CYP2C19: variants seen among roughly 807,000 people sequenced by gnomAD.
The protein encoded by CYP2C19 is cytochrome P450 family 2 subfamily C member 19, also known as cytochrome P450 2C19.
CYP2C19 carries 59 observed loss-of-function variants against 40.9 expected under a neutral mutation model. The ratio of observed to expected loss-of-function variants is 1.44; its 90% CI spans 1.17 to 1.79. The LOEUF is 1.79. CYP2C19 is among the 40% of genes most tolerant of loss of function. The pLI, the probability that CYP2C19 is intolerant of heterozygous loss-of-function variation, is 0.00. For synonymous variants in CYP2C19, 253 were observed against 208.7 expected, an observed-to-expected ratio of 1.21 and a Z score of -1.83; for missense variants, 754 against 596.9, an observed-to-expected ratio of 1.26 and a Z score of -2.74.
chr10:94,789,723 A>G (rs560520636), intron 5 of CYP2C19, among the ~76,000 whole-genome samples: 2 of 152,230 alleles, frequency 1.3e-5, no homozygotes, highest in South Asian at 2.1e-4. Context: ...TGGTAACAGT[A>G]CCATGCTGTT....
Position 94,853,643 on chromosome 10 carries a change from T to C in CYP2C19, c.*729T>C, listed in dbSNP as rs1466606485. 1.3e-5 allele frequency among the ~76,000 whole-genome samples: 2 copies of C among 150,046 alleles called. No individual in the cohort carries two copies. ...TCACTGTAACCTTCGCCTCCCAGGC[T>C]CAAGAGATTCTCCTGCCTCAGCCTC... On this transcript the variant is annotated 3_prime_UTR_variant, in exon 9 of 9. Transcript: ENST00000371321.
intron 1 of CYP2C19, among the ~76,000 whole-genome samples, chr10:94,766,780 G>C (rs1258576409): frequency 6.6e-6 from 1 of 151,982 alleles, no homozygotes; most frequent in African/African-American, 2.4e-5. Context: ...TGGTACTGCA[G>C]GTTCCTCAGG....
At chr10:94,801,123 C>T (rs1848759016) in intron 5 of CYP2C19, among the ~76,000 whole-genome samples, 1 of 152,170 alleles carries the variant, frequency 6.6e-6, no homozygotes, top group African/African-American at 2.4e-5. Flanking sequence ...GAGCTGCAGA[C>T]CAGAGCTGTT....
chr10:94,835,077 G>A (rs566332876), intron 6 of CYP2C19, among the ~76,000 whole-genome samples: 3 of 152,274 alleles, frequency 2.0e-5, no homozygotes, highest in Non-Finnish European at 2.9e-5. Context: ...GTCTGCAGTA[G>A]ATCTTAGCCA....
intron 5 of CYP2C19, among the ~76,000 whole-genome samples, chr10:94,803,066 C>T (rs1252993646): frequency 2.0e-5 from 3 of 151,914 alleles, no homozygotes; most frequent in Non-Finnish European, 2.9e-5. Context: ...TTCTGAGTTG[C>T]CAATTTATTT....
chr10:94,839,316 C>G (rs1267661885), intron 6 of CYP2C19, among the ~76,000 whole-genome samples: 1 of 151,574 alleles, frequency 6.6e-6, no homozygotes, highest in Admixed American at 6.6e-5. Context: ...CCTTTCCAGG[C>G]TGTATAACCA....
chr10:94,809,416 C>T (rs1249631594), intron 5 of CYP2C19, among the ~76,000 whole-genome samples: 2 of 152,098 alleles, frequency 1.3e-5, no homozygotes, highest in African/African-American at 2.4e-5. Context: ...GTGTCCTTTG[C>T]TGTGCTGAAA....
At position 94,820,634 on chromosome 10, in the gene CYP2C19, A is replaced by G. The variant is rs753925202; in HGVS notation, c.958A>G (p.Thr320Ala). The change falls in exon 6 of 9, where the codon ACA becomes GCA. Residue 320 changes from threonine to alanine, a missense_variant. By Grantham distance (58) the Thr-to-Ala change is moderately conservative. Transcript: ENST00000371321. ...TCTCCTGCTGAAGCACCCAGAGGTC[A>G]CAGGTATGATCACAGAGGATGAGTT... ...LLLLLKHPEVTAKVQEEIERV... is the reference protein window; with the variant it reads ...LLLLLKHPEVAAKVQEEIERV... The G allele has an allele frequency of 1.2e-6, 2 of 1,614,200 alleles. No homozygotes were observed. The highest frequency in any genetic ancestry group is 2.2e-5 in the South Asian group (2 of 91,088).
At chr10:94,820,792 T>G (rs1352392513) in intron 6 of CYP2C19, among the ~76,000 whole-genome samples, 155 bp downstream of exon 6, 1 of 152,176 alleles carries the variant, frequency 6.6e-6, no homozygotes, top group African/African-American at 2.4e-5. Context: ...GTGATTAAAA[T>G]GGAATATCCT....
chr10:94,850,015 T>A lies in CYP2C19; in HGVS notation c.1248T>A (p.Gly416=). The A allele has an allele frequency of 1.2e-6, 2 of 1,613,588 alleles. No homozygotes were observed. The highest frequency in any genetic ancestry group is 1.7e-6 in the Non-Finnish European group (2 of 1,179,714). The part of the protein sequence containing the change: ...MFDPRHFLDE[G]GNFKKSNYFM... ...ACCCTCGTCACTTTCTGGATGAAGG[T>A]GGAAATTTTAAGAAAAGTAACTACT... Residue 416 remains glycine, a synonymous_variant, in exon 8 of 9, where the codon GGT becomes GGA. Transcript: ENST00000371321.
At chr10:94,818,125 A>G (rs2134266038) in intron 5 of CYP2C19, among the ~76,000 whole-genome samples, 1 of 149,128 alleles carries the variant, frequency 6.7e-6, no homozygotes, top group South Asian at 2.2e-4. Flanking sequence ...CAGTTTTCCC[A>G]GCACCATTTA....
Position 94,790,029 on chromosome 10 carries a change from G to A in CYP2C19, c.819+8032G>A, listed in dbSNP as rs540955409. On this transcript the variant is annotated intron_variant, in intron 5 of 8. Coordinates refer to ENST00000371321, the MANE Select transcript of CYP2C19 (RefSeq NM_000769.4). ...TCCTCTTTTATTTCGTTGAGCAGTGGTTTGTAGTTCTCCTTGAAGAGGTCC... is the reference window on the plus strand; with the variant it reads ...TCCTCTTTTATTTCGTTGAGCAGTGATTTGTAGTTCTCCTTGAAGAGGTCC... Among the ~76,000 whole-genome samples the A allele has an allele frequency of 1.2e-4, 18 of 152,070 alleles. 1 individual carries two copies. The highest frequency in any genetic ancestry group is 2.2e-4 in the Non-Finnish European group (15 of 68,010).
At chr10:94,794,650 A>G (rs888864360) in intron 5 of CYP2C19, among the ~76,000 whole-genome samples, 1 of 151,752 alleles carries the variant, frequency 6.6e-6, no homozygotes, top group Non-Finnish European at 1.5e-5. Context: ...TAGGTATTTT[A>G]TTCTATTTAT....
chr10:94,843,121 G>A, intron 7 of CYP2C19, 97 bp downstream of exon 7: 1 of 1,449,604 alleles, frequency 6.9e-7, no homozygotes, highest in Non-Finnish European at 9.7e-7. Flanking sequence ...TGAGAGAAGT[G>A]CATTACTCCT....
Position 94,842,825 on chromosome 10 carries a change from G to GTGTC in CYP2C19, c.962-10_962-7dup, listed in dbSNP as rs1373487771. 1 of 1,613,772 alleles carries GTGTC rather than the reference G, an allele frequency of 6.2e-7. No homozygotes were observed. The highest frequency in any genetic ancestry group is 1.3e-5 in the African/African-American group (1 of 74,866). ...TCTCCTTTTCCATCAGTTCTTACTT[G>GTGTC]TGTCTTGTCAGCTAAAGTCCAGGAA... On this transcript the variant is annotated splice_polypyrimidine_tract_variant and intron_variant, in intron 6 of 8. Transcript: ENST00000371321.
At chr10:94,849,555 T>C (rs902436965) in intron 7 of CYP2C19, among the ~76,000 whole-genome samples, 3 of 151,760 alleles carry the variant, frequency 2.0e-5, no homozygotes, top group Non-Finnish European at 2.9e-5. Context: ...TATGTATACA[T>C]GTGCCATATT....
chr10:94,812,333 A>T (rs570012886), intron 5 of CYP2C19, among the ~76,000 whole-genome samples: 5 of 152,020 alleles, frequency 3.3e-5, no homozygotes, highest in African/African-American at 1.2e-4. Context: ...ACCTTGGTGA[A>T]TCTGACAATT....
intron 1 of CYP2C19, among the ~76,000 whole-genome samples, chr10:94,771,184 C>A (rs772393011): frequency 6.6e-6 from 1 of 152,014 alleles, no homozygotes; most frequent in African/African-American, 2.4e-5. Flanking sequence ...AAATTTACCT[C>A]CCCCTACAGC....
intron 5 of CYP2C19, 50 bp from the exon 6 acceptor site, chr10:94,820,446 A>G: frequency 6.2e-7 from 1 of 1,603,754 alleles, no homozygotes. Context: ...TACTGTCATC[A>G]AATATGCTGT....
Sources: allele counts gnomAD v4.1 joint callset (sites outside exome capture counted in the v4.1 genomes callset), GRCh38; gene constraint gnomAD v4.1.1; transcripts MANE v1.5; gene names NCBI Gene and HGNC (gene_info 2026-07-23, HGNC 2026-07-21).